MICAL3: variants seen among roughly 807,000 people sequenced by gnomAD.
The protein encoded by MICAL3 is microtubule associated monooxygenase, calponin and LIM domain containing 3, also known as [F-actin]-monooxygenase MICAL3.
In MICAL3, 62 loss-of-function variants were observed where a neutral mutation model predicts 207.4. The ratio of observed to expected loss-of-function variants is 0.30; its 90% CI spans 0.24 to 0.37. MICAL3 has a LOEUF of 0.37. Ranked by LOEUF, MICAL3 falls within the 10% of genes least tolerant of loss-of-function variation. MICAL3 has a pLI of 1.00. For missense variants in MICAL3, 2,368 were observed against 2,635.6 expected (o/e 0.90, Z 2.22); for synonymous variants, 1,077 against 1,069.3 (o/e 1.01, Z -0.14).
intron 1 of MICAL3, among the ~76,000 whole-genome samples, chr22:17,970,285 C>T (rs534153702): frequency 1.1e-4 from 16 of 152,192 alleles, no homozygotes; most frequent in African/African-American, 3.4e-4. Flanking sequence ...TCTGCCATTC[C>T]GTCTGTCCTT....
intron 19 of MICAL3, chr22:17,862,106 G>C (rs1049082672): frequency 1.0e-6 from 1 of 985,182 alleles, no homozygotes; most frequent in Non-Finnish European, 1.2e-6. Context: ...GGTCTAGGGA[G>C]GATGGCTGAG....
At chr22:18,000,450 G>A (rs543782292) in intron 1 of MICAL3, among the ~76,000 whole-genome samples, 6 of 152,342 alleles carry the variant, frequency 3.9e-5, no homozygotes, top group African/African-American at 1.2e-4. Flanking sequence ...GCCCCTTAAC[G>A]GGATGCGGCA....
chr22:17,824,681 C>G (rs1921987213), intron 22 of MICAL3, among the ~76,000 whole-genome samples: 1 of 152,170 alleles, frequency 6.6e-6, no homozygotes, highest in Admixed American at 6.5e-5. Context: ...CATGTGCCTC[C>G]CTGAGATACC....
At chr22:17,964,408 C>G (rs1935055342) in intron 1 of MICAL3, among the ~76,000 whole-genome samples, 1 of 152,180 alleles carries the variant, frequency 6.6e-6, no homozygotes, top group Admixed American at 6.5e-5. Flanking sequence ...ACGCCACAGG[C>G]CCCAGCGAAC....
At chr22:17,996,899 A>G (rs1922343890) in intron 1 of MICAL3, among the ~76,000 whole-genome samples, 1 of 152,174 alleles carries the variant, frequency 6.6e-6, no homozygotes, top group Non-Finnish European at 1.5e-5. Flanking sequence ...CCCAAGTGCC[A>G]TGCCTCCAGT....
intron 1 of MICAL3, among the ~76,000 whole-genome samples, chr22:17,962,442 G>A (rs947585115): frequency 2.6e-5 from 4 of 152,158 alleles, no homozygotes; most frequent in African/African-American, 4.8e-5. Context: ...TCTTAGAGCC[G>A]GGCAGGAGAG....
intron 1 of MICAL3, among the ~76,000 whole-genome samples, chr22:17,980,351 A>G (rs983655039): frequency 1.3e-5 from 2 of 152,156 alleles, no homozygotes. Context: ...AATTGCTGCA[A>G]ACTACTTTCC....
chr22:17,799,982 A>ACACACACACACACG (rs932512538), intron 29 of MICAL3, among the ~76,000 whole-genome samples: 163 of 147,752 alleles, frequency 1.1e-3, no homozygotes, highest in African/African-American at 3.9e-3. Context: ...ACACACACAC[A>ACACACACACACACG]CGCGTTGGGA....
chr22:17,912,155 G>C (rs984370966), intron 1 of MICAL3, among the ~76,000 whole-genome samples: 5 of 152,098 alleles, frequency 3.3e-5, no homozygotes, highest in Non-Finnish European at 1.5e-5. Context: ...TATATGTTAG[G>C]GTATGTTTCT....
At chr22:17,800,460 T>C (rs2061926075) in intron 29 of MICAL3, among the ~76,000 whole-genome samples, 2 of 152,196 alleles carry the variant, frequency 1.3e-5, no homozygotes. Context: ...GTCTTTTTAA[T>C]GATTTCTTTG....
At position 17,885,883 on chromosome 22, in the gene MICAL3, T is replaced by G; in HGVS notation, c.2236A>C (p.Arg746=). ...AGGGCACGGGTTGGGTTTACCTGTC[T>G]CCGTATGCCGATGGACTGTGCGGGC... ...NAPAQSIGIR[R]QGSMKKEFPQ... Residue 746 remains arginine, a synonymous_variant, in exon 16 of 32, where the codon AGA becomes CGA. Coordinates refer to ENST00000441493, the MANE Select transcript of MICAL3 (RefSeq NM_015241.3). 6.2e-7 allele frequency: 1 copy of G among 1,613,900 alleles called. No homozygotes were observed. The highest frequency in any genetic ancestry group is 8.5e-7 in the Non-Finnish European group (1 of 1,179,848).
chr22:17,894,906 A>C (rs1930697479), intron 10 of MICAL3, among the ~76,000 whole-genome samples: 1 of 152,102 alleles, frequency 6.6e-6, no homozygotes. Flanking sequence ...CCCATTTTTC[A>C]GGTAAAGAAA....
intron 27 of MICAL3, chr22:17,812,404 AAC>A (rs2062058211): frequency 4.2e-6 from 2 of 478,302 alleles, no homozygotes; most frequent in African/African-American, 2.1e-5. Flanking sequence ...TGCACGCACA[AAC>A]ACAGTTAGTG....
intron 17 of MICAL3, among the ~76,000 whole-genome samples, chr22:17,869,024 C>T (rs1248205472): frequency 6.6e-6 from 1 of 152,218 alleles, no homozygotes; most frequent in Non-Finnish European, 1.5e-5. Flanking sequence ...ATGTGAAACA[C>T]AGGCGTCTCA....
chr22:17,997,345 T>C (rs1441455349), intron 1 of MICAL3, among the ~76,000 whole-genome samples: 3 of 152,192 alleles, frequency 2.0e-5, no homozygotes, highest in African/African-American at 4.8e-5. Context: ...ATTACAGGCA[T>C]GAGCCACTGC....
At chr22:17,988,451 GT>G (rs998126941) in intron 1 of MICAL3, among the ~76,000 whole-genome samples, 1 of 151,828 alleles carries the variant, frequency 6.6e-6, no homozygotes, top group Non-Finnish European at 1.5e-5. Flanking sequence ...ACATTTCTGG[GT>G]TTTTTTTGGT....
chr22:17,929,526 C>T (rs1933118146), intron 1 of MICAL3, among the ~76,000 whole-genome samples: 1 of 151,588 alleles, frequency 6.6e-6, no homozygotes, highest in African/African-American at 2.4e-5. Context: ...GCCTGAAACC[C>T]ATCTGTGCTC....
chr22:17,815,587 C>G (rs768029826), intron 27 of MICAL3: 1 of 152,294 alleles, frequency 6.6e-6, no homozygotes. Context: ...CCTGAGAAGG[C>G]GCAGATCCCA....
chr22:17,865,466 A>G (rs1602088745), intron 18 of MICAL3, among the ~76,000 whole-genome samples: 2 of 152,306 alleles, frequency 1.3e-5, no homozygotes, highest in East Asian at 3.9e-4. Context: ...TCACAGAACT[A>G]GTGAAAGGCC....
Sources: gnomAD v4.1 joint callset for allele counts (sites outside exome capture counted in the v4.1 genomes callset) on GRCh38, gnomAD v4.1.1 for gene constraint, MANE v1.5 for transcripts, NCBI Gene and HGNC (gene_info 2026-07-23, HGNC 2026-07-21) for gene names.